Variants in CHRM3 observed in about 807,000 individuals in gnomAD.
CHRM3 encodes the protein muscarinic acetylcholine receptor M3.
In CHRM3, 11 loss-of-function variants were observed where a neutral mutation model predicts 41.8. The ratio of observed to expected loss-of-function variants is 0.26; its 90% CI spans 0.17 to 0.44. The LOEUF (loss-of-function observed/expected upper bound fraction) is 0.44. CHRM3 is among the 20% of genes least tolerant of loss of function. The pLI is 1.00. For missense variants in CHRM3, 571 were observed against 745.4 expected (o/e 0.77, Z 2.72); for synonymous variants, 297 against 301.4 (o/e 0.99, Z 0.15).
intron 5 of CHRM3, among the ~76,000 whole-genome samples, chr1:239,820,722 G>A (rs1671974084): frequency 6.6e-6 from 1 of 152,054 alleles, no homozygotes; most frequent in African/African-American, 2.4e-5. Context: ...AACAAAACAG[G>A]TGACCAAAAG....
chr1:239,900,893 C>T (rs760189519), intron 6 of CHRM3, among the ~76,000 whole-genome samples: 22 of 152,184 alleles, frequency 1.4e-4, no homozygotes, highest in Non-Finnish European at 2.6e-4. Context: ...TTTTGTATAA[C>T]TTGCCTCGAA....
In CHRM3 at chr1:239,755,150, C is replaced by T. The variant is rs141039045; in HGVS notation, c.-146-72102C>T. 5.7e-4 allele frequency among the ~76,000 whole-genome samples: 87 copies of T among 152,208 alleles called. No homozygotes were observed. The East Asian group carries it at 0.011, about 19-fold the overall frequency. On this transcript the variant is annotated intron_variant, in intron 5 of 6. Transcript: ENST00000676153. Reference sequence around the variant, plus strand: ...CATACCCTTACCAATGCTTCTATTACCCAGGTTAAAGATTCCAGAGGACTC... The same window carrying T: ...CATACCCTTACCAATGCTTCTATTATCCAGGTTAAAGATTCCAGAGGACTC...
chr1:239,730,813 G>A (rs1267995733), intron 5 of CHRM3, among the ~76,000 whole-genome samples: 1 of 151,880 alleles, frequency 6.6e-6, no homozygotes, highest in Admixed American at 6.6e-5. Context: ...GAAGCAGAGA[G>A]GTTCATGGGG....
intron 1 of CHRM3, among the ~76,000 whole-genome samples, chr1:239,451,330 T>TTTTATC (rs2103322241): frequency 6.6e-6 from 1 of 152,362 alleles, no homozygotes; most frequent in East Asian, 1.9e-4. Flanking sequence ...AACTTTTAAA[T>TTTTATC]TTTATCAGAC....
At chr1:239,901,005 C>T (rs996272769) in intron 6 of CHRM3, among the ~76,000 whole-genome samples, 8 of 152,078 alleles carry the variant, frequency 5.3e-5, no homozygotes, top group South Asian at 2.1e-4. Context: ...TCAAGGTGTT[C>T]GCCCAGCTGA....
chr1:239,819,306 G>T (rs1258115850), intron 5 of CHRM3, among the ~76,000 whole-genome samples: 1 of 152,174 alleles, frequency 6.6e-6, no homozygotes, highest in Non-Finnish European at 1.5e-5. Context: ...GGACAGGCAG[G>T]TGGAAATTCA....
In CHRM3 at chr1:239,892,785, T is replaced by C. The variant is rs543486429; in HGVS notation, c.-19-14648T>C. Among the ~76,000 whole-genome samples the C allele has an allele frequency of 4.1e-4, 62 of 152,318 alleles. 1 individual carries two copies. In the South Asian group the frequency reaches 0.013, roughly 31 times the overall value. On this transcript the variant is annotated intron_variant, in intron 6 of 6. Transcript: ENST00000676153. Reference sequence around the variant, plus strand: ...ACACAGTGTCTCATGCACCTTCCTGTCCTGGAAATCCTATTTTAGCCAAGG... The same window carrying C: ...ACACAGTGTCTCATGCACCTTCCTGCCCTGGAAATCCTATTTTAGCCAAGG...
intron 3 of CHRM3, among the ~76,000 whole-genome samples, chr1:239,620,350 A>G (rs560618419): frequency 6.6e-6 from 1 of 152,308 alleles, no homozygotes; most frequent in South Asian, 2.1e-4. Context: ...TTGGTGCAAG[A>G]CTGTGTTTGA....
intron 6 of CHRM3, among the ~76,000 whole-genome samples, chr1:239,830,423 G>A (rs890124991): frequency 6.6e-6 from 1 of 152,208 alleles, no homozygotes; most frequent in African/African-American, 2.4e-5. Context: ...GTTGCTTACT[G>A]CTTGGCACAG....
chr1:239,567,645 A>G (rs1242568776), intron 3 of CHRM3, among the ~76,000 whole-genome samples: 1 of 152,150 alleles, frequency 6.6e-6, no homozygotes, highest in Non-Finnish European at 1.5e-5. Context: ...CTACCCCCAC[A>G]GGTCAAAATT....
At position 239,854,300 on chromosome 1, in the gene CHRM3, T is replaced by C. The variant is rs574759475; in HGVS notation, c.-20+26922T>C. Among the ~76,000 whole-genome samples, 24 of 152,234 alleles carry C rather than the reference T, an allele frequency of 1.6e-4. No individual in the cohort carries two copies. The South Asian group carries it at 4.8e-3, about 30-fold the overall frequency. On this transcript the variant is annotated intron_variant, in intron 6 of 6. Transcript: ENST00000676153. Reference sequence around the variant, plus strand: ...TTTACTTGTAATATTCATTTATCCATTTAGTCATTCATTCATAAAATACCT... The same window carrying C: ...TTTACTTGTAATATTCATTTATCCACTTAGTCATTCATTCATAAAATACCT...
At chr1:239,806,444 C>CA (rs1558138860) in intron 5 of CHRM3, among the ~76,000 whole-genome samples, 4,360 of 123,022 alleles carry the variant, frequency 0.035, 137 homozygotes, top group African/African-American at 0.11. Context: ...ACACACACAC[C>CA]CCTGTGGACA....
At chr1:239,795,310 C>T (rs1009720244) in intron 5 of CHRM3, among the ~76,000 whole-genome samples, 1 of 152,102 alleles carries the variant, frequency 6.6e-6, no homozygotes, top group African/African-American at 2.4e-5. Context: ...TTTTAATTGA[C>T]GATCCTTAAA....
chr1:239,388,186 T>G (rs1472911138), intron 1 of CHRM3, among the ~76,000 whole-genome samples: 8 of 151,424 alleles, frequency 5.3e-5, no homozygotes, highest in Non-Finnish European at 8.8e-5. Context: ...TGTCTGCAAG[T>G]GTTACTGGAA....
intron 3 of CHRM3, among the ~76,000 whole-genome samples, chr1:239,617,789 T>C (rs1234504078): frequency 6.6e-6 from 1 of 152,200 alleles, no homozygotes; most frequent in Non-Finnish European, 1.5e-5. Flanking sequence ...CAACACACTG[T>C]ACGTGGTGTA....
intron 6 of CHRM3, among the ~76,000 whole-genome samples, chr1:239,878,573 A>G (rs947951991): frequency 2.2e-4 from 33 of 151,898 alleles, no homozygotes; most frequent in African/African-American, 7.5e-4. Flanking sequence ...GGCTATATAC[A>G]GTAATGACTA....
intron 1 of CHRM3, among the ~76,000 whole-genome samples, chr1:239,388,719 T>C (rs987960450): frequency 1.4e-4 from 21 of 152,216 alleles, no homozygotes; most frequent in Admixed American, 1.1e-3. Context: ...CACCCTCTTG[T>C]TATAAGAGCT....
intron 5 of CHRM3, among the ~76,000 whole-genome samples, chr1:239,815,071 C>T (rs1437618301): frequency 7.9e-5 from 12 of 152,154 alleles, no homozygotes; most frequent in Admixed American, 7.9e-4. Context: ...CCACCATGCC[C>T]GGCCCGCTGT....
chr1:239,608,772 A>C (rs1337546088), intron 3 of CHRM3, among the ~76,000 whole-genome samples: 1 of 152,186 alleles, frequency 6.6e-6, no homozygotes, highest in African/African-American at 2.4e-5. Context: ...TTTAAATGTA[A>C]AACTATTAGA....
Sources: gnomAD v4.1 joint callset for allele counts (sites outside exome capture counted in the v4.1 genomes callset) on GRCh38, gnomAD v4.1.1 for gene constraint, MANE v1.5 for transcripts, NCBI Gene and HGNC (gene_info 2026-07-23, HGNC 2026-07-21) for gene names.